Variants in SPATA16 observed in about 807,000 individuals in gnomAD.
SPATA16 encodes spermatogenesis-associated protein 16.
A neutral mutation model predicts 63.3 loss-of-function variants in SPATA16; 36 were observed. The ratio of observed to expected loss-of-function variants is 0.57; its 90% CI spans 0.44 to 0.75. The LOEUF (loss-of-function observed/expected upper bound fraction) is 0.75, where lower values mean the gene tolerates loss of function less well. Ranked by LOEUF, SPATA16 falls within the 30% of genes least tolerant of loss-of-function variation. SPATA16 has a pLI of 0.00. For synonymous variants in SPATA16, 203 were observed against 216.7 expected, an observed-to-expected ratio of 0.94 and a Z score of 0.56; for missense variants, 646 against 679.3, an observed-to-expected ratio of 0.95 and a Z score of 0.54.
intron 3 of SPATA16, among the ~76,000 whole-genome samples, chr3:173,029,027 G>T (rs1735535783): frequency 6.6e-6 from 1 of 151,912 alleles, no homozygotes; most frequent in African/African-American, 2.4e-5. Flanking sequence ...ATCAGATGAG[G>T]CCAGGCAAAA....
At chr3:172,962,455 A>G (rs932176401) in intron 5 of SPATA16, among the ~76,000 whole-genome samples, 3 of 152,034 alleles carry the variant, frequency 2.0e-5, no homozygotes, top group African/African-American at 7.2e-5. Context: ...ATAGTAGCCT[A>G]CCCTAACATA....
At chr3:173,109,617 T>G (rs893050943) in intron 2 of SPATA16, among the ~76,000 whole-genome samples, 15 of 152,178 alleles carry the variant, frequency 9.9e-5, no homozygotes, top group African/African-American at 3.1e-4. Flanking sequence ...CCATTGAAGG[T>G]AAATAAATTA....
intron 2 of SPATA16, among the ~76,000 whole-genome samples, chr3:173,093,768 A>G (rs6796466): frequency 9.2e-5 from 14 of 152,210 alleles, no homozygotes; most frequent in Non-Finnish European, 1.9e-4. Flanking sequence ...TGATACAGTC[A>G]CTCCTTACAC....
chr3:172,973,225 A>G (rs151152461), intron 5 of SPATA16, among the ~76,000 whole-genome samples: 107 of 152,328 alleles, frequency 7.0e-4, no homozygotes, highest in African/African-American at 2.5e-3. Flanking sequence ...ATAGGAGATC[A>G]ATTTCCAATT....
chr3:173,062,146 A>G (rs1736397060), intron 2 of SPATA16, among the ~76,000 whole-genome samples: 2 of 148,850 alleles, frequency 1.3e-5, no homozygotes, highest in Admixed American at 6.8e-5. Flanking sequence ...CCAACTAGTA[A>G]TTTGCTTATG....
At chr3:173,095,483 A>C (rs769359625) in intron 2 of SPATA16, among the ~76,000 whole-genome samples, 68 of 152,120 alleles carry the variant, frequency 4.5e-4, no homozygotes, top group Non-Finnish European at 8.8e-5. Context: ...GCTATCTATA[A>C]ATTTCCATTT....
rs79024422 is a variant in SPATA16, at chr3:172,909,712, C to T, written c.1587+3949G>A. Among the ~76,000 whole-genome samples, 1,344 of 152,310 alleles carry T rather than the reference C, an allele frequency of 8.8e-3. 22 individuals carry two copies. The highest frequency in any genetic ancestry group is 0.03 in the African/African-American group (1,265 of 41,560). On this transcript the variant is annotated intron_variant, in intron 10 of 10. Transcript: ENST00000351008. Reference sequence around the variant, plus strand: ...AGATGCATTGAGTAAGAGCCACCTACAGGAGTTTGGTCAACTCAAAGAACT... The same window carrying T: ...AGATGCATTGAGTAAGAGCCACCTATAGGAGTTTGGTCAACTCAAAGAACT...
At chr3:172,930,487 A>G (rs760522506) in intron 6 of SPATA16, among the ~76,000 whole-genome samples, 8 of 151,738 alleles carry the variant, frequency 5.3e-5, no homozygotes, top group Non-Finnish European at 1.0e-4. Context: ...AGATGTGTCT[A>G]AGTCCCATCT....
intron 2 of SPATA16, among the ~76,000 whole-genome samples, chr3:173,071,327 C>G (rs1032809720): frequency 1.3e-5 from 2 of 152,124 alleles, no homozygotes; most frequent in Admixed American, 1.3e-4. Flanking sequence ...GGATTACAGA[C>G]TTTAATATAA....
intron 2 of SPATA16, among the ~76,000 whole-genome samples, chr3:173,110,227 A>G (rs1421958768): frequency 1.3e-5 from 2 of 152,214 alleles, no homozygotes; most frequent in Non-Finnish European, 2.9e-5. Flanking sequence ...TATACTTGAC[A>G]ACTAAGAAAC....
chr3:173,006,562 A>G (rs1734950430), intron 4 of SPATA16, among the ~76,000 whole-genome samples: 1 of 152,202 alleles, frequency 6.6e-6, no homozygotes, highest in African/African-American at 2.4e-5. Context: ...CTTCAGAACC[A>G]CTTGTCTTGA....
At chr3:173,027,299 T>G (rs927224181) in intron 3 of SPATA16, among the ~76,000 whole-genome samples, 13 of 151,994 alleles carry the variant, frequency 8.6e-5, no homozygotes, top group African/African-American at 3.1e-4. Flanking sequence ...AATTATTAGT[T>G]CCAAAAGCTT....
chr3:173,064,207 C>T (rs1019757767), intron 2 of SPATA16, among the ~76,000 whole-genome samples: 16 of 150,472 alleles, frequency 1.1e-4, no homozygotes, highest in Admixed American at 2.7e-4. Flanking sequence ...ACTCGGGAGG[C>T]TGAGGCAGGA....
chr3:172,936,874 AT>A lies in SPATA16; in HGVS notation c.1082-11383del, dbSNP rs1206649274. Among the ~76,000 whole-genome samples the A allele has an allele frequency of 5.9e-5, 9 of 151,668 alleles. No individual in the cohort carries two copies. The East Asian group carries it at 1.4e-3, about 23-fold the overall frequency. Reference sequence around the variant, plus strand: ...AGGCATGGGCCACTATGGCCAGCTAATTTTTTTTGTATTTTTAGTAGAGATA... The same window carrying A: ...AGGCATGGGCCACTATGGCCAGCTAATTTTTTTGTATTTTTAGTAGAGATA... On this transcript the variant is annotated intron_variant, in intron 6 of 10. Transcript: ENST00000351008.
At position 173,039,846 on chromosome 3, in the gene SPATA16, G is replaced by T. The variant is rs147644838; in HGVS notation, c.758+9103C>A. Among the ~76,000 whole-genome samples, 234 of 152,194 alleles carry T rather than the reference G, an allele frequency of 1.5e-3. 1 individual carries two copies. The highest frequency in any genetic ancestry group is 5.2e-3 in the African/African-American group (218 of 41,552). On this transcript the variant is annotated intron_variant, in intron 3 of 10. Coordinates refer to ENST00000351008, the MANE Select transcript of SPATA16 (RefSeq NM_031955.6). The stretch of plus-strand genomic sequence containing the variant: ...GAGCTATTTTAATTAATAATTGCAA[G>T]CTCTGTTATGAAAAAATGATCAACA...
intron 10 of SPATA16, among the ~76,000 whole-genome samples, chr3:172,900,725 C>T (rs2109546749): frequency 6.6e-6 from 1 of 152,106 alleles, no homozygotes; most frequent in East Asian, 1.9e-4. Context: ...ACTGCAACAT[C>T]CGCCTCCCGG....
At chr3:172,963,541 T>C (rs1733838911) in intron 5 of SPATA16, among the ~76,000 whole-genome samples, 1 of 152,026 alleles carries the variant, frequency 6.6e-6, no homozygotes, top group South Asian at 2.1e-4. Flanking sequence ...TACACATGCA[T>C]GTAATTGTGT....
intron 6 of SPATA16, among the ~76,000 whole-genome samples, chr3:172,952,576 C>T (rs191486827): frequency 1.3e-5 from 2 of 152,080 alleles, no homozygotes; most frequent in Non-Finnish European, 2.9e-5. Flanking sequence ...TTGACCATTA[C>T]TCAGTCAGAA....
chr3:172,921,711 TTAAAAC>T (rs1370640404), intron 8 of SPATA16, among the ~76,000 whole-genome samples: 3 of 152,136 alleles, frequency 2.0e-5, no homozygotes, highest in Non-Finnish European at 1.5e-5. Flanking sequence ...ATACAAATAA[TTAAAAC>T]TAAAATTCTT....
Sources: gnomAD v4.1 joint callset for allele counts (sites outside exome capture counted in the v4.1 genomes callset) on GRCh38, gnomAD v4.1.1 for gene constraint, MANE v1.5 for transcripts, NCBI Gene and HGNC (gene_info 2026-07-23, HGNC 2026-07-21) for gene names.